Variants in PPP2R2B observed in about 807,000 individuals in gnomAD.
PPP2R2B encodes serine/threonine-protein phosphatase 2A 55 kDa regulatory subunit B beta isoform.
PPP2R2B carries 5 observed loss-of-function variants against 46.0 expected under a neutral mutation model. The observed-to-expected ratio is 0.11, with a 90% CI of 0.06 to 0.23. The LOEUF (loss-of-function observed/expected upper bound fraction) is 0.23. PPP2R2B is among the 10% of genes least tolerant of loss of function. The pLI is 1.00. For missense variants in PPP2R2B, 367 were observed against 575.0 expected, an observed-to-expected ratio of 0.64 and a Z score of 3.70; for synonymous variants, 215 against 206.7, an observed-to-expected ratio of 1.04 and a Z score of -0.34.
intron 2 of PPP2R2B, among the ~76,000 whole-genome samples, chr5:146,775,258 C>T (rs1036179955): frequency 2.8e-4 from 43 of 152,166 alleles, no homozygotes; most frequent in Admixed American, 2.2e-3. Context: ...TACTAGGAAA[C>T]CAAGCTCAAC....
intron 7 of PPP2R2B, among the ~76,000 whole-genome samples, chr5:146,606,493 G>T (rs192907172): frequency 6.6e-6 from 1 of 152,180 alleles, no homozygotes; most frequent in Non-Finnish European, 1.5e-5. Flanking sequence ...ATTTAATGGA[G>T]ATAATAGTAG....
intron 2 of PPP2R2B, among the ~76,000 whole-genome samples, chr5:146,738,252 C>T (rs1752660175): frequency 6.6e-6 from 1 of 151,458 alleles, no homozygotes; most frequent in Admixed American, 6.6e-5. Flanking sequence ...AAAAATTAGC[C>T]GGGCGTGATG....
intron 1 of PPP2R2B, among the ~76,000 whole-genome samples, chr5:146,937,985 A>G (rs1457104053): frequency 6.6e-6 from 1 of 152,142 alleles, no homozygotes; most frequent in African/African-American, 2.4e-5. Context: ...CAAAAGTTGA[A>G]TTGAATTTAC....
At chr5:146,906,712 C>T (rs774804408) in intron 1 of PPP2R2B, among the ~76,000 whole-genome samples, 1 of 152,110 alleles carries the variant, frequency 6.6e-6, no homozygotes, top group Non-Finnish European at 1.5e-5. Context: ...TATCTTTCTT[C>T]TACTTTTTGG....
intron 1 of PPP2R2B, among the ~76,000 whole-genome samples, chr5:147,042,102 C>T (rs545864488): frequency 1.3e-5 from 2 of 152,266 alleles, no homozygotes; most frequent in East Asian, 3.9e-4. Flanking sequence ...GCCCAAATCC[C>T]CACGTCTATC....
intron 1 of PPP2R2B, among the ~76,000 whole-genome samples, chr5:147,044,362 G>A (rs1580848915): frequency 6.6e-6 from 1 of 152,186 alleles, no homozygotes; most frequent in African/African-American, 2.4e-5. Context: ...GGGGGTTCAG[G>A]GCACCTGTGA....
rs189600119 is a variant in PPP2R2B at position 146,994,843 on chromosome 5, A to G, written c.79+60822T>C. ...AGAGATGCAGTGGTAGTCAAGACAG[A>G]CATAGTTCTTGCTCTTATGGATTTT... is the stretch of plus-strand genomic sequence containing the variant. On this transcript the variant is annotated intron_variant, in intron 1 of 8. Transcript: ENST00000336640. 4.6e-5 allele frequency among the ~76,000 whole-genome samples: 7 copies of G among 152,342 alleles called. No individual in the cohort carries two copies. In the East Asian group the frequency reaches 5.8e-4, roughly 13 times the overall value.
chr5:146,763,307 T>G (rs147647307), intron 2 of PPP2R2B, among the ~76,000 whole-genome samples: 2 of 152,278 alleles, frequency 1.3e-5, no homozygotes, highest in East Asian at 3.9e-4. Flanking sequence ...AGGGACAGCT[T>G]CCTAGCGTAT....
chr5:146,837,991 T>C (rs1442121765), intron 2 of PPP2R2B, among the ~76,000 whole-genome samples: 1 of 152,208 alleles, frequency 6.6e-6, no homozygotes, highest in Non-Finnish European at 1.5e-5. Context: ...TCTCTTCTCA[T>C]ACTATTTTAA....
chr5:146,708,502 C>T (rs1780028624), intron 2 of PPP2R2B, among the ~76,000 whole-genome samples: 1 of 151,378 alleles, frequency 6.6e-6, no homozygotes, highest in Admixed American at 6.6e-5. Context: ...AGATATGTAT[C>T]CATAACCACT....
chr5:147,063,325 G>T (rs1485978358), intron 2 of PPP2R2B, among the ~76,000 whole-genome samples: 1 of 151,996 alleles, frequency 6.6e-6, no homozygotes, highest in African/African-American at 2.4e-5. Context: ...AACAGTAACA[G>T]TTTTACTAAA....
chr5:146,607,584 T>C (rs945433240), intron 7 of PPP2R2B: 3 of 152,240 alleles, frequency 2.0e-5, no homozygotes, highest in Non-Finnish European at 4.4e-5. Context: ...TTTACATAAC[T>C]TTTCAAAATA....
At chr5:146,723,945 A>G (rs1234606174) in intron 2 of PPP2R2B, among the ~76,000 whole-genome samples, 1 of 152,096 alleles carries the variant, frequency 6.6e-6, no homozygotes, top group Non-Finnish European at 1.5e-5. Context: ...TGTCTGTTTC[A>G]TTCATTCGTG....
intron 9 of PPP2R2B, among the ~76,000 whole-genome samples, chr5:146,592,586 C>T (rs1770764746): frequency 6.6e-6 from 1 of 152,228 alleles, no homozygotes; most frequent in Non-Finnish European, 1.5e-5. Flanking sequence ...CCACTAGCAG[C>T]TTCAAGGGAT....
chr5:146,607,171 C>G (rs1454336139), intron 7 of PPP2R2B: 1 of 152,142 alleles, frequency 6.6e-6, no homozygotes, highest in Admixed American at 6.5e-5. Context: ...GAAGACACAT[C>G]CAATAATTTT....
intron 2 of PPP2R2B, among the ~76,000 whole-genome samples, chr5:146,754,509 T>C (rs1753731840): frequency 6.6e-6 from 1 of 152,184 alleles, no homozygotes; most frequent in Admixed American, 6.5e-5. Context: ...CATACAGAAG[T>C]TCTTCGATAC....
At chr5:146,707,138 G>C (rs1453377242) in intron 2 of PPP2R2B, 1 of 1,596,876 alleles carries the variant, frequency 6.3e-7, no homozygotes, top group African/African-American at 1.3e-5. Context: ...TCCAGCTTCA[G>C]CTTCTCCTGG....
At chr5:147,001,680 G>A (rs144858663) in intron 1 of PPP2R2B, among the ~76,000 whole-genome samples, 59 of 152,182 alleles carry the variant, frequency 3.9e-4, no homozygotes, top group East Asian at 2.5e-3. Flanking sequence ...GAGTACCATC[G>A]GACCCCTTTC....
At chr5:146,724,483 C>T (rs1449637910) in intron 2 of PPP2R2B, among the ~76,000 whole-genome samples, 1 of 152,118 alleles carries the variant, frequency 6.6e-6, no homozygotes, top group Non-Finnish European at 1.5e-5. Flanking sequence ...ACAGGGAACA[C>T]TGAACACATG....
Sources: allele counts gnomAD v4.1 joint callset (sites outside exome capture counted in the v4.1 genomes callset), GRCh38; gene constraint gnomAD v4.1.1; transcripts MANE v1.5; gene names NCBI Gene and HGNC (gene_info 2026-07-23, HGNC 2026-07-21).